The following SHB variants were observed in gnomAD, a reference collection of about 807,000 sequenced individuals.
SHB encodes SH2 domain containing adaptor protein B.
A neutral mutation model predicts 52.3 loss-of-function variants in SHB; 20 were observed. The observed-to-expected ratio is 0.38, with a 90% CI of 0.27 to 0.56. SHB has a LOEUF of 0.56. Ranked by LOEUF, SHB falls within the 20% of genes least tolerant of loss-of-function variation. The pLI is 0.71. For missense variants in SHB, 825 were observed against 723.3 expected (o/e 1.14, Z -1.61); for synonymous variants, 397 against 316.5 (o/e 1.25, Z -2.70).
chr9:38,044,941 G>A, intron 1 of SHB, among the ~76,000 whole-genome samples: 1 of 152,202 alleles, frequency 6.6e-6, no homozygotes, highest in East Asian at 1.9e-4. Flanking sequence ...AGGGGTGGGA[G>A]GTCAGGAAGC....
intron 2 of SHB, among the ~76,000 whole-genome samples, chr9:38,000,658 T>C (rs1339841795): frequency 2.0e-5 from 3 of 152,236 alleles, no homozygotes; most frequent in Non-Finnish European, 4.4e-5. Context: ...TGCAGTGTGA[T>C]TTGGCCTCCA....
intron 1 of SHB, among the ~76,000 whole-genome samples, chr9:38,055,228 T>G (rs1156983105): frequency 6.6e-6 from 1 of 152,248 alleles, no homozygotes; most frequent in Non-Finnish European, 1.5e-5. Flanking sequence ...ATCTGCATTT[T>G]TCCTGGATTT....
At chr9:38,017,922 A>G (rs1167147285) in intron 1 of SHB, among the ~76,000 whole-genome samples, 2 of 152,242 alleles carry the variant, frequency 1.3e-5, no homozygotes, top group Admixed American at 1.3e-4. Context: ...AACTGCTGTC[A>G]AACGGAACAG....
chr9:38,005,277 C>A (rs1160173812), intron 2 of SHB, among the ~76,000 whole-genome samples: 2 of 152,192 alleles, frequency 1.3e-5, no homozygotes, highest in Non-Finnish European at 2.9e-5. Context: ...CACGCCTATA[C>A]CCTGAAAGGG....
chr9:38,016,387 G>C (rs992574510), intron 1 of SHB, among the ~76,000 whole-genome samples: 8 of 152,232 alleles, frequency 5.3e-5, no homozygotes, highest in African/African-American at 1.9e-4. Flanking sequence ...AGTGAGGTGA[G>C]AACAGAAGGG....
intron 5 of SHB, among the ~76,000 whole-genome samples, chr9:37,942,493 G>A (rs1265542112): frequency 1.3e-5 from 2 of 152,176 alleles, no homozygotes; most frequent in Non-Finnish European, 1.5e-5. Flanking sequence ...AGTGCAGCAG[G>A]GACAGCCTGG....
chr9:37,928,125 G>A (rs371323282), intron 5 of SHB, among the ~76,000 whole-genome samples: 23 of 152,268 alleles, frequency 1.5e-4, no homozygotes, highest in Middle Eastern at 6.8e-3. Flanking sequence ...GGGCCTCAGC[G>A]TCTCCCTCTG....
intron 2 of SHB, among the ~76,000 whole-genome samples, chr9:38,001,747 C>T (rs570326920): frequency 1.6e-4 from 25 of 152,340 alleles, no homozygotes; most frequent in African/African-American, 6.0e-4. Flanking sequence ...GAGGCCACAT[C>T]CTTGCTGGCA....
chr9:38,028,165 T>C (rs1319529946), intron 1 of SHB, among the ~76,000 whole-genome samples: 1 of 152,128 alleles, frequency 6.6e-6, no homozygotes, highest in African/African-American at 2.4e-5. Flanking sequence ...TCTAGGGCCC[T>C]GTCCCAGAGA....
At chr9:37,952,187 A>C (rs907036587) in intron 4 of SHB, among the ~76,000 whole-genome samples, 1 of 152,212 alleles carries the variant, frequency 6.6e-6, no homozygotes, top group Non-Finnish European at 1.5e-5. Flanking sequence ...GATAGTGACA[A>C]GGGTTATGCA....
At chr9:37,938,344 G>T (rs1832397777) in intron 5 of SHB, among the ~76,000 whole-genome samples, 1 of 152,232 alleles carries the variant, frequency 6.6e-6, no homozygotes, top group Non-Finnish European at 1.5e-5. Flanking sequence ...ACTGATAGCA[G>T]ATGTGACGTC....
At chr9:38,016,543 T>C (rs1821215112) in intron 1 of SHB, among the ~76,000 whole-genome samples, 1 of 152,206 alleles carries the variant, frequency 6.6e-6, no homozygotes, top group Non-Finnish European at 1.5e-5. Flanking sequence ...AATGCTGACA[T>C]GCTCCTGGTG....
chr9:37,989,440 C>A (rs1325444319), intron 2 of SHB, among the ~76,000 whole-genome samples: 5 of 152,094 alleles, frequency 3.3e-5, no homozygotes, highest in African/African-American at 9.7e-5. Flanking sequence ...GTGGGACTTC[C>A]TACCTGGCCC....
chr9:37,928,205 A>G (rs1238609927), intron 5 of SHB, among the ~76,000 whole-genome samples: 1 of 152,136 alleles, frequency 6.6e-6, no homozygotes, highest in East Asian at 1.9e-4. Context: ...TGTGGGTGGG[A>G]GCACCACAGC....
intron 1 of SHB, among the ~76,000 whole-genome samples, chr9:38,025,447 G>A (rs1297199103): frequency 6.6e-6 from 1 of 152,224 alleles, no homozygotes; most frequent in African/African-American, 2.4e-5. Flanking sequence ...GGCCTGAGAA[G>A]GGTATCAGGA....
chr9:37,991,058 T>C (rs1820874573), intron 2 of SHB, among the ~76,000 whole-genome samples: 1 of 152,210 alleles, frequency 6.6e-6, no homozygotes, highest in Non-Finnish European at 1.5e-5. Context: ...AGAGCACATA[T>C]TACCTAATGT....
At chr9:38,042,381 G>C (rs1443594759) in intron 1 of SHB, among the ~76,000 whole-genome samples, 1 of 152,204 alleles carries the variant, frequency 6.6e-6, no homozygotes, top group Non-Finnish European at 1.5e-5. Context: ...GAGGAGCAGT[G>C]TTGTGCGTAA....
chr9:38,005,888 T>C (rs977972316), intron 2 of SHB, among the ~76,000 whole-genome samples: 1 of 152,168 alleles, frequency 6.6e-6, no homozygotes, highest in Non-Finnish European at 1.5e-5. Context: ...CCAGGACTTC[T>C]CATGGTGGCC....
At chr9:38,067,728 G>T (rs1272011705) in intron 1 of SHB, among the ~76,000 whole-genome samples, 1 of 152,206 alleles carries the variant, frequency 6.6e-6, no homozygotes, top group Non-Finnish European at 1.5e-5. Flanking sequence ...AAGCAGCGGC[G>T]AAAGAGGTGG....
Sources: gnomAD v4.1 joint callset for allele counts (sites outside exome capture counted in the v4.1 genomes callset) on GRCh38, gnomAD v4.1.1 for gene constraint, MANE v1.5 for transcripts, NCBI Gene and HGNC (gene_info 2026-07-23, HGNC 2026-07-21) for gene names.